Variants in NRXN3 observed in about 807,000 individuals in gnomAD.
NRXN3 encodes neurexin III.
In NRXN3, 32 loss-of-function variants were observed where a neutral mutation model predicts 137.6. The ratio of observed to expected loss-of-function variants is 0.23; its 90% CI spans 0.18 to 0.31. The LOEUF is 0.31. Ranked by LOEUF, NRXN3 falls within the 10% of genes least tolerant of loss-of-function variation. NRXN3 has a pLI of 1.00. For missense variants in NRXN3, 1,574 were observed against 2,062.5 expected (o/e 0.76, Z 4.59); for synonymous variants, 798 against 784.5 (o/e 1.02, Z -0.29).
intron 16 of NRXN3, among the ~76,000 whole-genome samples, chr14:79,497,647 C>G (rs960430874): frequency 2.6e-5 from 4 of 152,122 alleles, no homozygotes; most frequent in Non-Finnish European, 5.9e-5. Flanking sequence ...GGGTTAGTGA[C>G]TTTTTAAATA....
intron 4 of NRXN3, among the ~76,000 whole-genome samples, chr14:78,482,239 G>A (rs1421166884): frequency 1.3e-5 from 2 of 152,162 alleles, no homozygotes; most frequent in Admixed American, 1.3e-4. Flanking sequence ...ATCAGGAAAC[G>A]GAGGCTATTC....
chr14:78,709,927 T>C (rs2098391233), intron 7 of NRXN3: 1 of 430,484 alleles, frequency 2.3e-6, no homozygotes, highest in Non-Finnish European at 4.2e-6. Flanking sequence ...ACAAGTAGCA[T>C]TTCCACTGCT....
chr14:79,821,281 A>G (rs988026190), intron 20 of NRXN3, among the ~76,000 whole-genome samples: 2 of 152,104 alleles, frequency 1.3e-5, no homozygotes, highest in Non-Finnish European at 2.9e-5. Context: ...GTTTGTTTAC[A>G]CTTACTCATT....
chr14:79,791,896 A>G (rs1019267332), intron 19 of NRXN3, among the ~76,000 whole-genome samples: 3 of 152,210 alleles, frequency 2.0e-5, no homozygotes, highest in Non-Finnish European at 2.9e-5. Context: ...GCAAGGAGGA[A>G]GAGGGGAATG....
intron 10 of NRXN3, among the ~76,000 whole-genome samples, chr14:78,860,740 T>C (rs1286328870): frequency 6.6e-6 from 1 of 152,146 alleles, no homozygotes; most frequent in East Asian, 1.9e-4. Flanking sequence ...TATTATTACC[T>C]GAAAGTGGAT....
At chr14:78,546,069 T>C (rs73324457) in intron 4 of NRXN3, among the ~76,000 whole-genome samples, 2,001 of 152,340 alleles carry the variant, frequency 0.013, 35 homozygotes, top group African/African-American at 0.046. Flanking sequence ...GGTGCTTTTA[T>C]ATCTGGTGCA....
intron 16 of NRXN3, among the ~76,000 whole-genome samples, chr14:79,647,077 A>G (rs1246337664): frequency 1.5e-5 from 2 of 135,652 alleles, no homozygotes; most frequent in Admixed American, 7.8e-5. Context: ...TGGTCCTTTC[A>G]TCTATGTCTA....
chr14:79,604,946 C>T (rs941283940), intron 16 of NRXN3, among the ~76,000 whole-genome samples: 3 of 151,980 alleles, frequency 2.0e-5, no homozygotes, highest in Non-Finnish European at 2.9e-5. Flanking sequence ...GCAGGAGAAT[C>T]GCTTGAACCC....
At chr14:79,253,538 T>A (rs1315175823) in intron 15 of NRXN3, among the ~76,000 whole-genome samples, 1 of 152,234 alleles carries the variant, frequency 6.6e-6, no homozygotes, top group Non-Finnish European at 1.5e-5. Flanking sequence ...TTGCTACTCT[T>A]ATTCTTCTTA....
chr14:79,679,325 C>T (rs555973084), intron 17 of NRXN3, among the ~76,000 whole-genome samples: 19 of 152,116 alleles, frequency 1.2e-4, no homozygotes, highest in South Asian at 1.2e-3. Flanking sequence ...TATCTTTACA[C>T]GTAAAATCAC....
In NRXN3 at chr14:78,709,271, G is replaced by A. The variant is rs1158244057; in HGVS notation, c.1276G>A (p.Ala426Thr). Reference protein sequence around the residue: ...RLELSRLARIADTKMKIYGEV... With the variant: ...RLELSRLARITDTKMKIYGEV... Reference sequence around the variant, plus strand: ...GGAGCTGTCTCGCCTGGCCCGGATTGCGGACACCAAGATGAAAATCTATGG... The same window carrying A: ...GGAGCTGTCTCGCCTGGCCCGGATTACGGACACCAAGATGAAAATCTATGG... The change falls in exon 7 of 21, where the codon GCG (alanine) becomes ACG (threonine). Residue 426 changes from alanine (A) to threonine (T), a missense_variant. Physicochemically the swap from Ala to Thr is moderately conservative, Grantham distance 58. This residue lies in a region of NRXN3 where 718 missense variants were observed against 887.6 expected (regional missense o/e 0.81). Transcript: ENST00000335750. 1 of 1,614,110 alleles carries A rather than the reference G, an allele frequency of 6.2e-7. No homozygotes were observed. Among genetic ancestry groups the A allele is most frequent in the South Asian group, 1.1e-5 (1 of 91,074 alleles).
intron 4 of NRXN3, among the ~76,000 whole-genome samples, chr14:78,487,742 CATAAATAAATAA>C (rs10601165): frequency 0.19 from 26,214 of 141,214 alleles, 2,833 homozygotes; most frequent in African/African-American, 0.31. Context: ...AACTCCATCT[CATAAATAAATAA>C]ATAAATAAAT....
intron 16 of NRXN3, among the ~76,000 whole-genome samples, chr14:79,612,093 A>C (rs1383304540): frequency 6.6e-6 from 1 of 152,248 alleles, no homozygotes; most frequent in Non-Finnish European, 1.5e-5. Context: ...CAGAAGCATC[A>C]GAAATTCACA....
At chr14:79,139,359 T>G (rs1192491359) in intron 15 of NRXN3, among the ~76,000 whole-genome samples, 1 of 152,192 alleles carries the variant, frequency 6.6e-6, no homozygotes, top group Non-Finnish European at 1.5e-5. Flanking sequence ...TATCTAGGCC[T>G]GCATATATGC....
At position 78,583,343 on chromosome 14, in the gene NRXN3, T is replaced by A. The variant is rs369549442; in HGVS notation, c.758-61777T>A. Among the ~76,000 whole-genome samples, 72 of 152,086 alleles carry A rather than the reference T, an allele frequency of 4.7e-4. 1 individual carries two copies. In the South Asian group the frequency reaches 7.7e-3, roughly 16 times the overall value. The stretch of plus-strand genomic sequence containing the variant: ...GCAAAACTATGGATGATTATTTTCT[T>A]TTTTTTATATTTCTGTAACTTTAAA... On this transcript the variant is annotated intron_variant, in intron 4 of 20. Transcript: ENST00000335750.
At chr14:79,096,878 A>G (rs1253480390) in intron 15 of NRXN3, among the ~76,000 whole-genome samples, 1 of 152,148 alleles carries the variant, frequency 6.6e-6, no homozygotes, top group African/African-American at 2.4e-5. Context: ...CCATTCTGCC[A>G]CTGACAAATC....
At chr14:78,819,682 A>G (rs1260762458) in intron 10 of NRXN3, among the ~76,000 whole-genome samples, 5 of 152,206 alleles carry the variant, frequency 3.3e-5, no homozygotes, top group African/African-American at 9.6e-5. Context: ...ATCCCTGAGC[A>G]GAACAAAGCC....
At chr14:78,960,940 G>A (rs928616225) in intron 11 of NRXN3, among the ~76,000 whole-genome samples, 1 of 151,708 alleles carries the variant, frequency 6.6e-6, no homozygotes, top group African/African-American at 2.4e-5. Flanking sequence ...GTTCTTTATT[G>A]CCAGGCTTAT....
At chr14:78,801,824 ACT>A (rs1473118598) in intron 8 of NRXN3, among the ~76,000 whole-genome samples, 2 of 151,720 alleles carry the variant, frequency 1.3e-5, no homozygotes, top group Non-Finnish European at 2.9e-5. Context: ...ACCAACACAG[ACT>A]CTATCCCATC....
Sources: allele counts gnomAD v4.1 joint callset (sites outside exome capture counted in the v4.1 genomes callset), GRCh38; gene constraint gnomAD v4.1.1; regional missense constraint gnomAD v4.1.1; transcripts MANE v1.5; gene names NCBI Gene and HGNC (gene_info 2026-07-23, HGNC 2026-07-21).